Variants in MBOAT1 observed in about 807,000 individuals in gnomAD.
MBOAT1 encodes membrane bound glycerophospholipid O-acyltransferase 1, also known as membrane-bound glycerophospholipid O-acyltransferase 1.
MBOAT1 carries 67 observed loss-of-function variants against 64.4 expected under a neutral mutation model. That is an observed-to-expected ratio of 1.04 (90% CI 0.85 to 1.27). The LOEUF (loss-of-function observed/expected upper bound fraction) is 1.27. MBOAT1 is among the 50% of genes most tolerant of loss of function. The pLI, the probability that MBOAT1 is intolerant of heterozygous loss-of-function variation, is 0.00. For synonymous variants in MBOAT1, 229 were observed against 218.9 expected, an observed-to-expected ratio of 1.05 and a Z score of -0.41; for missense variants, 563 against 604.6, an observed-to-expected ratio of 0.93 and a Z score of 0.72.
intron 1 of MBOAT1, among the ~76,000 whole-genome samples, chr6:20,158,893 C>A (rs915188007): frequency 5.9e-5 from 9 of 151,946 alleles, no homozygotes; most frequent in African/African-American, 2.2e-4. Context: ...GTTAGAATGA[C>A]AATTATCAAA....
chr6:20,176,771 G>A (rs1286341788), intron 1 of MBOAT1, among the ~76,000 whole-genome samples: 2 of 152,010 alleles, frequency 1.3e-5, no homozygotes, highest in Non-Finnish European at 2.9e-5. Context: ...TTACAAGCAC[G>A]TGCCACCACG....
chr6:20,113,392 C>A (rs1369576119), intron 10 of MBOAT1, among the ~76,000 whole-genome samples: 1 of 152,180 alleles, frequency 6.6e-6, no homozygotes, highest in Non-Finnish European at 1.5e-5. Flanking sequence ...TAAGTAAGTG[C>A]CATTGGCATT....
At chr6:20,205,231 A>C (rs1411110445) in intron 1 of MBOAT1, among the ~76,000 whole-genome samples, 2 of 152,094 alleles carry the variant, frequency 1.3e-5, no homozygotes, top group African/African-American at 4.8e-5. Context: ...AGGAGGAAAG[A>C]AGAAAAGAAA....
At chr6:20,170,124 T>TC (rs1258496233) in intron 1 of MBOAT1, among the ~76,000 whole-genome samples, 2 of 151,990 alleles carry the variant, frequency 1.3e-5, no homozygotes, top group African/African-American at 2.4e-5. Flanking sequence ...TCCCCTGTTA[T>TC]CCCCCCCTGC....
Position 20,118,499 on chromosome 6 carries a change from C to T in MBOAT1, c.949G>A (p.Val317Met). 6.2e-7 allele frequency: 1 copy of T among 1,614,066 alleles called. No individual in the cohort carries two copies. Among genetic ancestry groups the T allele is most frequent in the South Asian group, 1.1e-5 (1 of 91,086 alleles). Residue 317 changes from valine (V) to methionine (M), a missense_variant, in exon 9 of 13, where the codon GTG (valine) becomes ATG (methionine). Transcript: ENST00000324607. ...CAACAGAAATTCCCATTCTTATCCA[C>T]TCCGCTGAACCCAAAGCCAGCTGCG... ...NNAAGFGFSG[V>M]DKNGNFCWDL...
intron 11 of MBOAT1, among the ~76,000 whole-genome samples, chr6:20,111,847 C>CATAT (rs374292054): frequency 8.0e-4 from 61 of 76,076 alleles, no homozygotes; most frequent in African/African-American, 3.0e-3. Flanking sequence ...CATATATATA[C>CATAT]ATATATATAT....
intron 1 of MBOAT1, among the ~76,000 whole-genome samples, chr6:20,184,774 C>T (rs1020936765): frequency 2.0e-5 from 3 of 152,102 alleles, no homozygotes; most frequent in Admixed American, 1.3e-4. Flanking sequence ...TCCTTACCCT[C>T]CTGCTCCCAA....
chr6:20,165,782 A>C (rs1256549570), intron 1 of MBOAT1, among the ~76,000 whole-genome samples: 1 of 152,086 alleles, frequency 6.6e-6, no homozygotes, highest in Non-Finnish European at 1.5e-5. Context: ...GTTTGGTTAG[A>C]ATAGGTAAAA....
rs561965985 is a variant in MBOAT1, at chr6:20,148,982, T to A, written c.323+2203A>T. Among the ~76,000 whole-genome samples the A allele has an allele frequency of 6.6e-5, 10 of 151,428 alleles. No homozygotes were observed. The East Asian group carries it at 2.0e-3, about 30-fold the overall frequency. ...CAGGTGTAGTGGCACGCGCCTGTAG[T>A]CCCAGCTACTCGGAAGGCTGAGGCA... is the stretch of plus-strand genomic sequence containing the variant. On this transcript the variant is annotated intron_variant, in intron 3 of 12. Transcript: ENST00000324607.
At chr6:20,181,585 T>G (rs576818811) in intron 1 of MBOAT1, among the ~76,000 whole-genome samples, 1 of 152,346 alleles carries the variant, frequency 6.6e-6, no homozygotes, top group East Asian at 1.9e-4. Context: ...CACCGTACTG[T>G]GCTTACAAAA....
At chr6:20,103,419 T>TG (rs1561742547) in intron 12 of MBOAT1, among the ~76,000 whole-genome samples, 6 of 152,010 alleles carry the variant, frequency 3.9e-5, no homozygotes, top group Non-Finnish European at 5.9e-5. Flanking sequence ...TGTTTTGGTT[T>TG]TTTGTTTGTT....
At chr6:20,198,858 A>G (rs1763038976) in intron 1 of MBOAT1, among the ~76,000 whole-genome samples, 1 of 152,238 alleles carries the variant, frequency 6.6e-6, no homozygotes, top group South Asian at 2.1e-4. Context: ...TTCATCATTC[A>G]TTGTTAATGT....
At chr6:20,132,280 T>C (rs1561755755) in intron 4 of MBOAT1, among the ~76,000 whole-genome samples, 1 of 152,222 alleles carries the variant, frequency 6.6e-6, no homozygotes. Flanking sequence ...TGATTCCACC[T>C]GGATAGACAG....
At chr6:20,172,915 G>A (rs1282495562) in intron 1 of MBOAT1, among the ~76,000 whole-genome samples, 12 of 151,940 alleles carry the variant, frequency 7.9e-5, no homozygotes. Context: ...GGGGCCTGGT[G>A]GGAGGTGGCT....
intron 6 of MBOAT1, among the ~76,000 whole-genome samples, chr6:20,127,615 G>A (rs568732222): frequency 3.0e-4 from 46 of 152,240 alleles, no homozygotes; most frequent in African/African-American, 1.1e-3. Context: ...AGGGATGTAG[G>A]CTGCACACTC....
intron 9 of MBOAT1, among the ~76,000 whole-genome samples, chr6:20,115,963 C>T (rs926017193): frequency 6.7e-6 from 1 of 150,154 alleles, no homozygotes; most frequent in African/African-American, 2.5e-5. Context: ...AGAGACATCC[C>T]ACAATAACCC....
chr6:20,205,618 C>T (rs1286763853), intron 1 of MBOAT1, among the ~76,000 whole-genome samples: 2 of 152,142 alleles, frequency 1.3e-5, no homozygotes, highest in African/African-American at 4.8e-5. Context: ...TGGAGACCGC[C>T]CATCTTCACA....
At chr6:20,180,081 A>T (rs967197754) in intron 1 of MBOAT1, among the ~76,000 whole-genome samples, 1 of 152,076 alleles carries the variant, frequency 6.6e-6, no homozygotes, top group Admixed American at 6.6e-5. Context: ...AACAATAGTA[A>T]TTTCCCCACA....
chr6:20,170,689 GC>G (rs1762163056), intron 1 of MBOAT1, among the ~76,000 whole-genome samples: 1 of 152,142 alleles, frequency 6.6e-6, no homozygotes, highest in Non-Finnish European at 1.5e-5. Context: ...CCTCCAGGAA[GC>G]CCTCCCTTCT....
Sources: gnomAD v4.1 joint callset for allele counts (sites outside exome capture counted in the v4.1 genomes callset) on GRCh38, gnomAD v4.1.1 for gene constraint, MANE v1.5 for transcripts, NCBI Gene and HGNC (gene_info 2026-07-23, HGNC 2026-07-21) for gene names.